Variants in PARP14 observed in about 807,000 individuals in gnomAD.
The protein encoded by PARP14 is poly(ADP-ribose) polymerase family member 14, also known as protein mono-ADP-ribosyltransferase PARP14.
A neutral mutation model predicts 154.2 loss-of-function variants in PARP14; 59 were observed. That is an observed-to-expected ratio of 0.38 (90% confidence interval 0.31 to 0.48). The LOEUF is 0.48. Ranked by LOEUF, PARP14 falls within the 20% of genes least tolerant of loss-of-function variation. The pLI is 0.98. For missense variants in PARP14, 1,734 were observed against 2,131.6 expected (o/e 0.81, Z 3.67); for synonymous variants, 720 against 780.5 (o/e 0.92, Z 1.29).
intron 12 of PARP14, among the ~76,000 whole-genome samples, chr3:122,717,146 A>T (rs1933021578): frequency 6.6e-6 from 1 of 152,242 alleles, no homozygotes; most frequent in Admixed American, 6.5e-5. Flanking sequence ...ACATTCCCAC[A>T]ATTGTCAGCA....
intron 1 of PARP14, among the ~76,000 whole-genome samples, chr3:122,684,442 T>A (rs1286845311): frequency 6.6e-6 from 1 of 152,208 alleles, no homozygotes; most frequent in Non-Finnish European, 1.5e-5. Context: ...TGTGCATTCA[T>A]GGACACCACT....
In PARP14 at chr3:122,695,661, A is replaced by G; in HGVS notation, c.834A>G (p.Lys278=). ...CTCTGATTGAATTTTTTGACAGAAA[A>G]GGTAATATTTATTAACCTGTCATAC... ...SSALIEFFDR[K]VLDTIMATKL... Residue 278 remains lysine (K), a splice_region_variant and synonymous_variant, in exon 5 of 17, where the codon AAA becomes AAG. Transcript: ENST00000474629. 1 of 1,472,096 alleles carries G rather than the reference A, an allele frequency of 6.8e-7. No individual in the cohort carries two copies. Among genetic ancestry groups the G allele is most frequent in the South Asian group, 1.2e-5 (1 of 86,338 alleles). The allele number at this position is 1,472,096 out of a possible 1,614,324, so 91.2% of individuals were successfully genotyped here. A position where few individuals can be genotyped will look rare whatever the true frequency, so the allele number is the denominator to read the frequency against.
At chr3:122,716,505 G>A (rs1257801505) in intron 12 of PARP14, among the ~76,000 whole-genome samples, 5 of 152,156 alleles carry the variant, frequency 3.3e-5, no homozygotes, top group Admixed American at 3.3e-4. Flanking sequence ...GTGAGAGACA[G>A]GCATGCAAAC....
chr3:122,703,633 G>A (rs1361780168), intron 6 of PARP14, 109 bp from the exon 7 acceptor site: 2 of 625,050 alleles, frequency 3.2e-6, no homozygotes, highest in Non-Finnish European at 5.7e-6. Context: ...TGAAACCGTA[G>A]TCATCTTAGT....
intron 3 of PARP14, among the ~76,000 whole-genome samples, chr3:122,690,835 C>T (rs1030378972): frequency 5.9e-5 from 9 of 152,198 alleles, no homozygotes; most frequent in East Asian, 3.8e-4. Context: ...ATTTCTCCTT[C>T]GCATCACAGT....
chr3:122,708,233 T>A lies in PARP14; in HGVS notation c.3584T>A (p.Val1195Asp). 1.9e-6 allele frequency: 3 copies of A among 1,576,210 alleles called. No homozygotes were observed. The highest frequency in any genetic ancestry group is 1.7e-6 in the Non-Finnish European group (2 of 1,158,568). ...GCCAGAAGGGCTAATGGAAATCTCG[T>A]CAGTGACAAAATTCCGAAGGCTAAA... is the stretch of plus-strand genomic sequence containing the variant. ...EFARRANGNL[V>D]SDKIPKAKDT... Residue 1195 changes from valine (V) to aspartate (D), a missense_variant, in exon 9 of 17, where the codon GTC (valine) becomes GAC (aspartate). Around this residue, in one of 2 missense-constraint regions of PARP14, gnomAD observed 1,646 missense variants for 1,976.0 expected, o/e 0.83. Coordinates refer to ENST00000474629, the MANE Select transcript of PARP14 (RefSeq NM_017554.3).
In PARP14 at chr3:122,681,887, G is replaced by A. The variant is rs1938219741; in HGVS notation, c.187+817G>A. 6.6e-6 allele frequency among the ~76,000 whole-genome samples: 1 copy of A among 152,126 alleles called. No homozygotes were observed. The highest frequency in any genetic ancestry group is 2.4e-5 in the African/African-American group (1 of 41,418). Reference sequence around the variant, plus strand: ...CCAGTGACCTGCAGCTCCCAGAATGGGCACCTTTTCCACTGGCATCTTATG... The same window carrying A: ...CCAGTGACCTGCAGCTCCCAGAATGAGCACCTTTTCCACTGGCATCTTATG... On this transcript the variant is annotated intron_variant, in intron 1 of 16. Transcript: ENST00000474629. This position sits in a 1 kb window ranked among gnomAD's most constrained non-coding sequence, Gnocchi z 5.5.
chr3:122,715,128 G>A (rs897684238), intron 12 of PARP14, among the ~76,000 whole-genome samples: 8 of 151,802 alleles, frequency 5.3e-5, no homozygotes, highest in South Asian at 4.1e-4. Flanking sequence ...TTATACTGGG[G>A]TACATGGGCA....
In PARP14 at chr3:122,718,384, T is replaced by TC; in HGVS notation, c.4237dup (p.Gln1413ProfsTer22). On this transcript the variant is annotated frameshift_variant, in exon 14 of 17. Coordinates refer to ENST00000474629, the MANE Select transcript of PARP14 (RefSeq NM_017554.3). LOFTEE classifies it high-confidence loss of function. ...CATTTTTGGGCTTTTCAAAGCAATC[T>TC]CCCCAAAAAAAGAATCATTTGGTTT... 1 of 1,612,154 alleles carries TC rather than the reference T, an allele frequency of 6.2e-7. No homozygotes were observed. The highest frequency in any genetic ancestry group is 8.5e-7 in the Non-Finnish European group (1 of 1,179,330).
rs1368173349 is a variant in PARP14 at position 122,730,059 on chromosome 3, A to AT, written c.*1463dup. On this transcript the variant is annotated 3_prime_UTR_variant, in exon 17 of 17. Coordinates refer to ENST00000474629, the MANE Select transcript of PARP14 (RefSeq NM_017554.3). ...GCCAGGTAGTAAAATAGGTGCTTTC[A>AT]TACACATTGTCTCAATTCCTGTGAG... The AT allele has an allele frequency of 6.6e-6, 1 of 152,198 alleles. No homozygotes were observed. The allele number at this position is 152,198 out of a possible 1,614,324, so 9.4% of individuals were successfully genotyped here.
rs1257121622 is a variant in PARP14 at position 122,701,098 on chromosome 3, C to G, written c.2544C>G (p.Asp848Glu). ...CAGCTGGCCCTGAGCTCCAGGCCGACTGTGACCAGATAGTGAAGAGAGAGG... is the reference window on the plus strand; with the variant it reads ...CAGCTGGCCCTGAGCTCCAGGCCGAGTGTGACCAGATAGTGAAGAGAGAGG... ...SKAAGPELQA[D>E]CDQIVKREGR... Residue 848 changes from aspartate to glutamate, a missense_variant, in exon 6 of 17, where the codon GAC (aspartate) becomes GAG (glutamate). Physicochemically the swap from Asp to Glu is conservative, Grantham distance 45 (BLOSUM62 2). Coordinates refer to ENST00000474629, the MANE Select transcript of PARP14 (RefSeq NM_017554.3). The surrounding 1 kb of genome is among the most constrained non-coding windows in gnomAD (Gnocchi z 4.0). The G allele has an allele frequency of 1.2e-6, 2 of 1,613,886 alleles. No individual in the cohort carries two copies. Among genetic ancestry groups the G allele is most frequent in the Non-Finnish European group, 1.7e-6 (2 of 1,179,908 alleles).
chr3:122,692,208 G>C, intron 3 of PARP14, 93 bp from the exon 4 acceptor site: 1 of 1,021,898 alleles, frequency 9.8e-7, no homozygotes, highest in African/African-American at 1.6e-5. Context: ...AGATTGGCAA[G>C]GAGAGAGGGC....
rs963417055 is a variant in PARP14 at position 122,685,120 on chromosome 3, T to C, written c.188-65T>C. 12 of 1,579,802 alleles carry C rather than the reference T, an allele frequency of 7.6e-6. No homozygotes were observed. The Admixed American group carries it at 1.0e-4, about 13-fold the overall frequency. On this transcript the variant is annotated intron_variant, in intron 1 of 16. Transcript: ENST00000474629. ...ATGGTAATGCAGCCCACGGAAATCA[T>C]AGAATAATTTTGTAAATAAAGATTG...
At chr3:122,713,348 T>A in intron 9 of PARP14, 76 bp from the exon 10 acceptor site, 5 of 1,207,952 alleles carry the variant, frequency 4.1e-6, no homozygotes, top group East Asian at 2.5e-5. Context: ...TCCAAGAGGG[T>A]CCCATGTGAG....
At chr3:122,709,645 T>A (rs1369778677) in intron 9 of PARP14, among the ~76,000 whole-genome samples, 1 of 152,202 alleles carries the variant, frequency 6.6e-6, no homozygotes, top group Non-Finnish European at 1.5e-5. Context: ...TTGTAATAAT[T>A]TGCATTCCGA....
At chr3:122,727,651 CT>C (rs1933321091) in intron 15 of PARP14, among the ~76,000 whole-genome samples, 160 bp from the exon 16 acceptor site, 1 of 152,190 alleles carries the variant, frequency 6.6e-6, no homozygotes, top group South Asian at 2.1e-4. Context: ...TTATGAAACA[CT>C]GGATCTAAAA....
At position 122,699,223 on chromosome 3, in the gene PARP14, G is replaced by T. The variant is rs531861694; in HGVS notation, c.836-167G>T. On this transcript the variant is annotated intron_variant, in intron 5 of 16. Coordinates refer to ENST00000474629, the MANE Select transcript of PARP14 (RefSeq NM_017554.3). ...CTCTAAAATGGGAAGATTTTGTTTT[G>T]TTTTTCTTTGCCACATATCATCTTG... Among the ~76,000 whole-genome samples the T allele has an allele frequency of 7.9e-5, 12 of 151,902 alleles. No homozygotes were observed. In the East Asian group the frequency reaches 2.3e-3, roughly 29 times the overall value.
chr3:122,727,732 CAT>C, intron 15 of PARP14, 78 bp from the exon 16 acceptor site: 1 of 833,512 alleles, frequency 1.2e-6, no homozygotes, highest in Non-Finnish European at 1.8e-6. Context: ...ATTTATGAAA[CAT>C]AGTGATCATG....
chr3:122,696,914 T>C (rs1209258176), intron 5 of PARP14, among the ~76,000 whole-genome samples: 1 of 152,156 alleles, frequency 6.6e-6, no homozygotes, highest in Non-Finnish European at 1.5e-5. Flanking sequence ...TTACTGACTT[T>C]CTTTTATGTT....
Sources: allele counts gnomAD v4.1 joint callset (sites outside exome capture counted in the v4.1 genomes callset), GRCh38; gene constraint gnomAD v4.1.1; regional missense constraint gnomAD v4.1.1; non-coding constraint Gnocchi (gnomAD v3.1); transcripts MANE v1.5; gene names NCBI Gene and HGNC (gene_info 2026-07-23, HGNC 2026-07-21).